The following SH3PXD2A variants were observed in gnomAD, a reference collection of about 807,000 sequenced individuals.
The protein encoded by SH3PXD2A is SH3 and PX domains 2A.
Under a neutral mutation model 115.2 loss-of-function variants are expected in SH3PXD2A, and 32 were observed. The observed-to-expected ratio is 0.28, with a 90% CI of 0.21 to 0.37. SH3PXD2A has a LOEUF of 0.37. Ranked by LOEUF, SH3PXD2A falls within the 10% of genes least tolerant of loss-of-function variation. The pLI is 1.00. For missense variants in SH3PXD2A, 1,328 were observed against 1,498.7 expected, an observed-to-expected ratio of 0.89 and a Z score of 1.88; for synonymous variants, 610 against 629.1, an observed-to-expected ratio of 0.97 and a Z score of 0.45.
At chr10:103,825,272 CTTGGG>C (rs2039419393) in intron 1 of SH3PXD2A, among the ~76,000 whole-genome samples, 3 of 152,214 alleles carry the variant, frequency 2.0e-5, no homozygotes, top group Non-Finnish European at 4.4e-5. Flanking sequence ...GCTGCCTACA[CTTGGG>C]CCGCTGATTT....
At chr10:103,849,004 A>T (rs1321243063) in intron 1 of SH3PXD2A, among the ~76,000 whole-genome samples, 3 of 142,066 alleles carry the variant, frequency 2.1e-5, no homozygotes, top group Non-Finnish European at 3.0e-5. Context: ...AGGCTCAGAG[A>T]CATAAGTAAC....
At chr10:103,739,062 G>A (rs1199996540) in intron 3 of SH3PXD2A, among the ~76,000 whole-genome samples, 1 of 152,190 alleles carries the variant, frequency 6.6e-6, no homozygotes, top group African/African-American at 2.4e-5. Flanking sequence ...CAAAGTGCTG[G>A]GAAGAACTCA....
intron 7 of SH3PXD2A, among the ~76,000 whole-genome samples, chr10:103,664,865 G>A (rs1355252758): frequency 6.6e-6 from 1 of 152,046 alleles, no homozygotes; most frequent in Admixed American, 6.6e-5. Flanking sequence ...TAGAGATGGA[G>A]TTTCACCATG....
chr10:103,845,731 T>C (rs1224492268), intron 1 of SH3PXD2A, among the ~76,000 whole-genome samples: 1 of 152,176 alleles, frequency 6.6e-6, no homozygotes, highest in Non-Finnish European at 1.5e-5. Context: ...CCAAGAACCC[T>C]CTCTGGGGGT....
At chr10:103,679,558 A>T (rs1235233286) in intron 6 of SH3PXD2A, among the ~76,000 whole-genome samples, 2 of 152,190 alleles carry the variant, frequency 1.3e-5, no homozygotes, top group African/African-American at 4.8e-5. Context: ...GGGAGAGGGG[A>T]GTTCCCCTGA....
At chr10:103,815,960 TAGAAGCAGAGA>T (rs2039320346) in intron 1 of SH3PXD2A, among the ~76,000 whole-genome samples, 1 of 151,636 alleles carries the variant, frequency 6.6e-6, no homozygotes, top group East Asian at 1.9e-4. Flanking sequence ...GCCAAATATA[TAGAAGCAGAGA>T]AGAGAAGGGT....
rs1292577114 is a variant in SH3PXD2A, at chr10:103,601,951, T to C, written c.3267A>G (p.Thr1089=). Residue 1089 remains threonine, a synonymous_variant, in exon 15 of 15, where the codon ACA becomes ACG. Transcript: ENST00000369774. ...SIADYEGDEE[T]AGFQEGVSME... ...TGGACACCCCCTCCTGGAAGCCTGC[T>C]GTCTCCTCATCCCCCTCGTAGTCTG... 4.3e-6 allele frequency: 7 copies of C among 1,614,028 alleles called. No homozygotes were observed. Among genetic ancestry groups the C allele is most frequent in the Non-Finnish European group, 5.1e-6 (6 of 1,180,016 alleles).
intron 8 of SH3PXD2A, among the ~76,000 whole-genome samples, chr10:103,629,664 G>A (rs2036749318): frequency 6.6e-6 from 1 of 152,184 alleles, no homozygotes; most frequent in African/African-American, 2.4e-5. Flanking sequence ...TTCCACATTC[G>A]GCTATTGGGA....
chr10:103,838,684 CCAGGCTCCTGGGGAGACCGTGTAA>C (rs1403494835), intron 1 of SH3PXD2A, among the ~76,000 whole-genome samples: 1 of 152,218 alleles, frequency 6.6e-6, no homozygotes, highest in African/African-American at 2.4e-5. Flanking sequence ...TCCTACAGGA[CCAGGCTCCTGGGGAGACCGTGTAA>C]CAGCTCGGTC....
chr10:103,662,341 C>CCGGG (rs1272076460), intron 7 of SH3PXD2A, among the ~76,000 whole-genome samples: 1 of 10,638 alleles, frequency 9.4e-5, no homozygotes, highest in Non-Finnish European at 1.9e-4. Flanking sequence ...CCATTATTGG[C>CCGGG]GGGGGGGGGG....
chr10:103,760,676 A>T (rs1481675532), intron 3 of SH3PXD2A, among the ~76,000 whole-genome samples: 6 of 151,784 alleles, frequency 4.0e-5, no homozygotes, highest in Non-Finnish European at 8.8e-5. Flanking sequence ...CGAGGGAAAG[A>T]TGAATACTTT....
intron 1 of SH3PXD2A, among the ~76,000 whole-genome samples, chr10:103,819,194 A>G (rs1217981869): frequency 6.6e-6 from 1 of 152,206 alleles, no homozygotes; most frequent in Non-Finnish European, 1.5e-5. Context: ...AGTCCCAGGG[A>G]GCTCTGGTGT....
At chr10:103,706,698 A>G (rs1378036034) in intron 5 of SH3PXD2A, among the ~76,000 whole-genome samples, 4 of 152,168 alleles carry the variant, frequency 2.6e-5, no homozygotes, top group Non-Finnish European at 4.4e-5. Flanking sequence ...GATGGTCTCA[A>G]GAGGCTGGTC....
intron 8 of SH3PXD2A, among the ~76,000 whole-genome samples, chr10:103,639,498 T>C (rs761502688): frequency 3.3e-5 from 5 of 151,164 alleles, no homozygotes; most frequent in Non-Finnish European, 7.4e-5. Context: ...TAGTCCCAGC[T>C]ACTTGGGAGG....
At chr10:103,740,408 C>A (rs1366932306) in intron 3 of SH3PXD2A, among the ~76,000 whole-genome samples, 4 of 152,142 alleles carry the variant, frequency 2.6e-5, no homozygotes, top group African/African-American at 9.7e-5. Flanking sequence ...GAGATGAGAA[C>A]AGTTAAACCC....
intron 13 of SH3PXD2A, among the ~76,000 whole-genome samples, chr10:103,608,150 T>TAAAAAAAAAAAAAAAAAAAGTTTACAA (rs1554903070): frequency 3.1e-5 from 1 of 32,658 alleles, no homozygotes; most frequent in Non-Finnish European, 4.5e-5. Context: ...ATGATCAATT[T>TAAAAAAAAAAAAAAAAAAAGTTTACAA]AAAAAAAAAA....
At chr10:103,841,866 T>C (rs1357776699) in intron 1 of SH3PXD2A, among the ~76,000 whole-genome samples, 1 of 152,172 alleles carries the variant, frequency 6.6e-6, no homozygotes, top group African/African-American at 2.4e-5. Flanking sequence ...GGCTCACGCC[T>C]GTAATCCCAG....
At position 103,656,309 on chromosome 10, in the gene SH3PXD2A, T is replaced by A. The variant is rs988749562; in HGVS notation, c.604+4674A>T. 2.6e-5 allele frequency among the ~76,000 whole-genome samples: 4 copies of A among 152,372 alleles called. No individual in the cohort carries two copies. The South Asian group carries it at 8.3e-4, about 32-fold the overall frequency. The stretch of plus-strand genomic sequence containing the variant: ...TATTGGACCAGGGCTGGACACCCGA[T>A]CTAACGTTTGCCAATCCATTGCTGG... On this transcript the variant is annotated intron_variant, in intron 8 of 14. Coordinates refer to ENST00000369774, the MANE Select transcript of SH3PXD2A (RefSeq NM_001394015.1).
chr10:103,701,696 A>T (rs2037910138), intron 5 of SH3PXD2A, among the ~76,000 whole-genome samples: 1 of 127,012 alleles, frequency 7.9e-6, no homozygotes, highest in African/African-American at 2.9e-5. Context: ...TCATTCATCC[A>T]GCCATCCATC....
Sources: allele counts gnomAD v4.1 joint callset (sites outside exome capture counted in the v4.1 genomes callset), GRCh38; gene constraint gnomAD v4.1.1; transcripts MANE v1.5; gene names NCBI Gene and HGNC (gene_info 2026-07-23, HGNC 2026-07-21).